Variants in PCDHA6 observed in about 807,000 individuals in gnomAD.
PCDHA6 encodes protocadherin alpha-6.
Under a neutral mutation model 60.3 loss-of-function variants are expected in PCDHA6, and 55 were observed. The observed-to-expected ratio is 0.91, with a 90% confidence interval of 0.73 to 1.14. PCDHA6 has a LOEUF of 1.14. PCDHA6 is among the 50% of genes most tolerant of loss of function. The pLI is 0.00. For missense variants in PCDHA6, 1,327 were observed against 1,256.5 expected (o/e 1.06, Z -0.85); for synonymous variants, 652 against 557.9 (o/e 1.17, Z -2.38).
chr5:141,006,361 A>G (rs1384420854), intron 3 of PCDHA6, among the ~76,000 whole-genome samples: 3 of 151,846 alleles, frequency 2.0e-5, no homozygotes, highest in African/African-American at 7.3e-5. Context: ...ATAGGCGCCC[A>G]CCACCACGCC....
At chr5:140,872,181 G>T (rs2053527538) in intron 1 of PCDHA6, among the ~76,000 whole-genome samples, 1 of 151,138 alleles carries the variant, frequency 6.6e-6, no homozygotes, top group Admixed American at 6.6e-5. Flanking sequence ...TTTTTTTACA[G>T]TGTTAAACGT....
rs782736508 is a variant in PCDHA6 at position 140,857,757 on chromosome 5, G to A, written c.2394+27272G>A. ...CCCGCGCTGCTGGCGTCTCCCGCTGGCAGCGCGGGCGGTGCAGTCAGTGAG... is the reference window on the plus strand; with the variant it reads ...CCCGCGCTGCTGGCGTCTCCCGCTGACAGCGCGGGCGGTGCAGTCAGTGAG... On this transcript the variant is annotated intron_variant, in intron 1 of 3. Coordinates refer to ENST00000529310, the MANE Select transcript of PCDHA6 (RefSeq NM_018909.4). 1.2e-5 allele frequency: 19 copies of A among 1,597,402 alleles called. No individual in the cohort carries two copies. In the East Asian group the frequency reaches 4.0e-4, roughly 34 times the overall value.
At chr5:140,940,508 G>A (rs1171264265) in intron 1 of PCDHA6, among the ~76,000 whole-genome samples, 2 of 151,902 alleles carry the variant, frequency 1.3e-5, no homozygotes, top group African/African-American at 4.8e-5. Context: ...CGTCGCTCAG[G>A]CGTGATCATA....
intron 1 of PCDHA6, chr5:140,969,147 A>C (rs781909774): frequency 1.2e-6 from 2 of 1,614,172 alleles, no homozygotes; most frequent in South Asian, 2.2e-5. Flanking sequence ...TACTGCTACA[A>C]GGCCTGTCTG....
At chr5:140,956,994 A>T (rs2095325479) in intron 1 of PCDHA6, among the ~76,000 whole-genome samples, 1 of 152,168 alleles carries the variant, frequency 6.6e-6, no homozygotes, top group Non-Finnish European at 1.5e-5. Flanking sequence ...AATTCAAGGA[A>T]GTGGTCTGAA....
intron 1 of PCDHA6, among the ~76,000 whole-genome samples, chr5:140,941,191 T>TTTTC (rs1217097209): frequency 2.1e-5 from 2 of 93,206 alleles, no homozygotes; most frequent in African/African-American, 7.9e-5. Flanking sequence ...GCTTCTTTTT[T>TTTTC]TTTCTTTCTT....
chr5:140,841,647 T>A (rs1580971695), intron 1 of PCDHA6: 1 of 1,614,144 alleles, frequency 6.2e-7, no homozygotes, highest in East Asian at 2.2e-5. Context: ...CTGGAGGTGA[T>A]CGTGGACAGG....
At chr5:140,860,140 T>C (rs1451807345) in intron 1 of PCDHA6, 2 of 150,358 alleles carry the variant, frequency 1.3e-5, no homozygotes, top group African/African-American at 2.4e-5. Flanking sequence ...TGTGTATATA[T>C]ATGTATATAT....
At chr5:140,928,696 C>A in intron 1 of PCDHA6, 2 of 1,614,146 alleles carry the variant, frequency 1.2e-6, no homozygotes, top group South Asian at 2.2e-5. Flanking sequence ...CCACATCTCC[C>A]GGGCGTCTGA....
At chr5:140,967,468 C>T (rs155807) in intron 1 of PCDHA6, 541,339 of 1,613,022 alleles carry the variant, frequency 0.34, 92,423 homozygotes, top group East Asian at 0.5. Context: ...ATGGGGGCAT[C>T]CCAGCCCGCT....
chr5:140,922,790 C>G (rs1174493923), intron 1 of PCDHA6, among the ~76,000 whole-genome samples: 3 of 152,074 alleles, frequency 2.0e-5, no homozygotes, highest in African/African-American at 7.2e-5. Flanking sequence ...AAAACTGTAG[C>G]TTTGGAATAC....
At chr5:140,882,172 T>C (rs1582596670) in intron 1 of PCDHA6, 2 of 1,514,998 alleles carry the variant, frequency 1.3e-6, no homozygotes, top group South Asian at 2.7e-5. Context: ...TGCGAATCCT[T>C]CCGCACTAGG....
chr5:140,843,244 C>T, intron 1 of PCDHA6: 1 of 1,596,022 alleles, frequency 6.3e-7, no homozygotes, highest in Non-Finnish European at 8.6e-7. Context: ...ACGAAGCGGA[C>T]TCTCCGCGCC....
At chr5:140,877,725 G>A (rs570815670) in intron 1 of PCDHA6, 1 of 1,614,124 alleles carries the variant, frequency 6.2e-7, no homozygotes, top group Non-Finnish European at 8.5e-7. Flanking sequence ...GGTCTTACTC[G>A]CAGCAGAGGA....
Position 140,870,321 on chromosome 5 carries a change from G to C in PCDHA6, c.2394+39836G>C, listed in dbSNP as rs1554164064. The C allele has an allele frequency of 1.9e-6, 3 of 1,614,222 alleles. No individual in the cohort carries two copies. In the Admixed American group the frequency reaches 5.0e-5, roughly 27 times the overall value. On this transcript the variant is annotated intron_variant, in intron 1 of 3. Transcript: ENST00000529310. Reference sequence around the variant, plus strand: ...CCACCTTCAAGAATTACTACTCGTTGGTGCTGGACAGCGCCCTGGACCGCG... The same window carrying C: ...CCACCTTCAAGAATTACTACTCGTTCGTGCTGGACAGCGCCCTGGACCGCG...
At position 140,829,704 on chromosome 5, in the gene PCDHA6, G is replaced by A; in HGVS notation, c.1613G>A (p.Arg538His). The change falls in exon 1 of 4, where the codon CGC becomes CAC. Residue 538 changes from arginine (R) to histidine (H), a missense_variant. Coordinates refer to ENST00000529310, the MANE Select transcript of PCDHA6 (RefSeq NM_018909.4). ...CTGCTGCAGTTTCAGGTGAGCGCGC[G>A]CGACGCGGGCGTGCCGCCTCTGGGC... is the stretch of plus-strand genomic sequence containing the variant. ...LELLQFQVSA[R>H]DAGVPPLGSN... 1.2e-6 allele frequency: 2 copies of A among 1,613,434 alleles called. No individual in the cohort carries two copies. The highest frequency in any genetic ancestry group is 8.5e-7 in the Non-Finnish European group (1 of 1,179,878).
chr5:140,915,634 CT>C (rs782528552), intron 1 of PCDHA6, among the ~76,000 whole-genome samples: 9 of 150,114 alleles, frequency 6.0e-5, no homozygotes, highest in Non-Finnish European at 1.3e-4. Context: ...CTGTCTCTCT[CT>C]CTCTCTCTCT....
chr5:140,980,428 G>A (rs868912779), intron 2 of PCDHA6, among the ~76,000 whole-genome samples: 5 of 152,028 alleles, frequency 3.3e-5, no homozygotes, highest in Admixed American at 2.6e-4. Flanking sequence ...TCAAGAGATC[G>A]AGACCATCCT....
At chr5:140,926,754 C>G in intron 1 of PCDHA6, 1 of 1,283,492 alleles carries the variant, frequency 7.8e-7, no homozygotes, top group South Asian at 2.2e-5. Flanking sequence ...TCGGCGGTCG[C>G]TGAGTATCCA....
Sources: allele counts gnomAD v4.1 joint callset (sites outside exome capture counted in the v4.1 genomes callset), GRCh38; gene constraint gnomAD v4.1.1; transcripts MANE v1.5; gene names NCBI Gene and HGNC (gene_info 2026-07-23, HGNC 2026-07-21).